The following COL25A1 variants were observed in gnomAD, a reference collection of about 807,000 sequenced individuals.
COL25A1 encodes the protein collagen alpha-1(XXV) chain.
COL25A1 carries 103 observed loss-of-function variants against 128.4 expected under a neutral mutation model. The ratio of observed to expected loss-of-function variants is 0.80; its 90% CI spans 0.68 to 0.94. COL25A1 has a LOEUF of 0.94. COL25A1 is among the 40% of genes least tolerant of loss of function. The probability of loss-of-function intolerance (pLI) is 0.00; values close to 1 mark genes in which losing one functional copy is unlikely to be tolerated. For synonymous variants in COL25A1, 279 were observed against 277.2 expected (o/e 1.01, Z -0.06); for missense variants, 745 against 840.0 (o/e 0.89, Z 1.40).
chr4:108,915,367 C>CT (rs1352561686), intron 13 of COL25A1, among the ~76,000 whole-genome samples: 1 of 151,690 alleles, frequency 6.6e-6, no homozygotes, highest in Non-Finnish European at 1.5e-5. Flanking sequence ...CTCTCTCTCC[C>CT]TTTCTTTTTT....
At chr4:109,156,637 T>C (rs576928544) in intron 3 of COL25A1, among the ~76,000 whole-genome samples, 1 of 152,272 alleles carries the variant, frequency 6.6e-6, no homozygotes, top group African/African-American at 2.4e-5. Context: ...TAAGGCCTGT[T>C]TGAAGATATA....
At chr4:109,063,934 A>T (rs1436234058) in intron 3 of COL25A1, among the ~76,000 whole-genome samples, 2 of 152,336 alleles carry the variant, frequency 1.3e-5, no homozygotes, top group Non-Finnish European at 2.9e-5. Flanking sequence ...AGGGAAGCCA[A>T]TTATGAGTCT....
intron 3 of COL25A1, among the ~76,000 whole-genome samples, chr4:109,089,439 G>A (rs1764707948): frequency 2.6e-5 from 4 of 152,024 alleles, no homozygotes; most frequent in African/African-American, 9.7e-5. Flanking sequence ...GTGCTTGACA[G>A]TAATTTCTTA....
At chr4:109,057,181 A>C (rs1333915616) in intron 3 of COL25A1, among the ~76,000 whole-genome samples, 1 of 152,160 alleles carries the variant, frequency 6.6e-6, no homozygotes, top group Admixed American at 6.6e-5. Flanking sequence ...TTAAGCAGCA[A>C]GGTATGCCCT....
chr4:109,220,642 C>A (rs1160543059), intron 3 of COL25A1, among the ~76,000 whole-genome samples: 1 of 151,974 alleles, frequency 6.6e-6, no homozygotes, highest in African/African-American at 2.4e-5. Context: ...CTATTAAAAT[C>A]AAATCAAACC....
At chr4:108,879,212 C>T (rs1454284954) in intron 19 of COL25A1, among the ~76,000 whole-genome samples, 1 of 152,176 alleles carries the variant, frequency 6.6e-6, no homozygotes, top group Non-Finnish European at 1.5e-5. Flanking sequence ...GAGTTAGTTA[C>T]TGTCTCATAC....
intron 3 of COL25A1, among the ~76,000 whole-genome samples, chr4:109,104,031 A>G (rs1043762395): frequency 6.6e-6 from 1 of 152,188 alleles, no homozygotes; most frequent in African/African-American, 2.4e-5. Context: ...AAAATTTTTT[A>G]TAGAAATATT....
chr4:109,129,070 C>G (rs1768912674), intron 3 of COL25A1, among the ~76,000 whole-genome samples: 2 of 152,108 alleles, frequency 1.3e-5, no homozygotes, highest in Non-Finnish European at 2.9e-5. Context: ...GATGTACAAC[C>G]AGGCTTGGGA....
At chr4:109,204,676 C>A (rs1301771778) in intron 3 of COL25A1, among the ~76,000 whole-genome samples, 1 of 151,980 alleles carries the variant, frequency 6.6e-6, no homozygotes, top group East Asian at 1.9e-4. Flanking sequence ...TTTGTTTCAA[C>A]AACAGAAAGC....
chr4:109,199,139 G>T (rs1206429486), intron 3 of COL25A1, among the ~76,000 whole-genome samples: 1 of 152,070 alleles, frequency 6.6e-6, no homozygotes, highest in Admixed American at 6.6e-5. Context: ...TTTAAAGAAT[G>T]CAAAGGATCT....
chr4:108,991,930 G>A (rs1173167659), intron 6 of COL25A1, among the ~76,000 whole-genome samples: 8 of 152,122 alleles, frequency 5.3e-5, no homozygotes. Context: ...CACAGCTTGA[G>A]TTTTGTAAAT....
intron 3 of COL25A1, among the ~76,000 whole-genome samples, chr4:109,093,766 A>G (rs1245528250): frequency 2.0e-5 from 3 of 152,266 alleles, no homozygotes; most frequent in Non-Finnish European, 4.4e-5. Flanking sequence ...GAGGCCAAAC[A>G]TGAAATTAAC....
At chr4:108,832,655 C>T (rs1328034873) in intron 31 of COL25A1, 4 of 441,830 alleles carry the variant, frequency 9.1e-6, no homozygotes, top group African/African-American at 2.0e-5. Flanking sequence ...AAGGCACACA[C>T]GAAAAGCTGC....
At chr4:108,834,865 A>G (rs995981622) in intron 31 of COL25A1, among the ~76,000 whole-genome samples, 5 of 152,226 alleles carry the variant, frequency 3.3e-5, no homozygotes, top group Non-Finnish European at 5.9e-5. Context: ...ACTTGTTAAA[A>G]CAGTATTTAT....
At chr4:108,966,662 C>A (rs1397145251) in intron 8 of COL25A1, among the ~76,000 whole-genome samples, 1 of 151,836 alleles carries the variant, frequency 6.6e-6, no homozygotes, top group African/African-American at 2.4e-5. Flanking sequence ...CCAGCCTGGG[C>A]AACATGATGA....
At chr4:108,938,587 T>G (rs1468210384) in intron 10 of COL25A1, among the ~76,000 whole-genome samples, 3 of 152,172 alleles carry the variant, frequency 2.0e-5, no homozygotes, top group Non-Finnish European at 4.4e-5. Flanking sequence ...AAGACCTCAT[T>G]GCACACAAAA....
intron 3 of COL25A1, among the ~76,000 whole-genome samples, chr4:109,113,400 T>G (rs1767218419): frequency 1.3e-5 from 2 of 148,510 alleles, no homozygotes; most frequent in Non-Finnish European, 3.0e-5. Context: ...AGTTCTGTCT[T>G]GATGGCTTAA....
intron 8 of COL25A1, among the ~76,000 whole-genome samples, chr4:108,956,450 G>C (rs1056831781): frequency 6.6e-6 from 1 of 152,146 alleles, no homozygotes; most frequent in Admixed American, 6.5e-5. Flanking sequence ...TTACCTCCCA[G>C]ACTGGAGTGC....
At position 108,811,607 on chromosome 4, in the gene COL25A1, G is replaced by A. The variant is rs571905779; in HGVS notation, c.*2320C>T. 6.6e-6 allele frequency: 1 copy of A among 152,210 alleles called. No individual in the cohort carries two copies. The highest frequency in any genetic ancestry group is 1.9e-4 in the East Asian group (1 of 5,182). The allele number at this position is 152,210 out of a possible 1,614,324, so 9.4% of individuals were successfully genotyped here. On this transcript the variant is annotated 3_prime_UTR_variant, in exon 38 of 38. Transcript: ENST00000399132. Reference sequence around the variant, plus strand: ...TGTAGTTTGTTTTCCTGAAGAGAATGTAGTTCCACCCACTTCAGTTCATTT... The same window carrying A: ...TGTAGTTTGTTTTCCTGAAGAGAATATAGTTCCACCCACTTCAGTTCATTT...
Sources: allele counts gnomAD v4.1 joint callset (sites outside exome capture counted in the v4.1 genomes callset), GRCh38; gene constraint gnomAD v4.1.1; transcripts MANE v1.5; gene names NCBI Gene and HGNC (gene_info 2026-07-23, HGNC 2026-07-21).